The following DMD variants were observed in gnomAD, a reference collection of about 807,000 sequenced individuals.
DMD encodes the protein dystrophin.
Under a neutral mutation model 330.1 loss-of-function variants are expected in DMD, and 63 were observed. That is an observed-to-expected ratio of 0.19 (90% CI 0.16 to 0.24). The LOEUF (loss-of-function observed/expected upper bound fraction) is 0.24. Ranked by LOEUF, DMD falls within the 10% of genes least tolerant of loss-of-function variation. The pLI is 1.00. For synonymous variants in DMD, 1,223 were observed against 959.8 expected, an observed-to-expected ratio of 1.27 and a Z score of -5.07; for missense variants, 3,344 against 2,684.1, an observed-to-expected ratio of 1.25 and a Z score of -5.43.
At chrX:31,422,032 TATATATATA>T (rs1397520445) in intron 60 of DMD, among the ~76,000 whole-genome samples, 796 of 8,732 alleles carry the variant, frequency 0.091, 39 homozygotes, top group Middle Eastern at 0.17. Context: ...CACACACATA[TATATATATA>T]TATTTTTTTT....
intron 1 of DMD, among the ~76,000 whole-genome samples, chrX:33,235,919 T>TTATTA (rs1569559004): frequency 1.8e-4 from 18 of 98,839 alleles, no homozygotes; most frequent in African/African-American, 6.7e-4. Flanking sequence ...TATTATTATT[T>TTATTA]TTTTTTTTTT....
At chrX:33,059,523 C>T (rs1042622748) in intron 1 of DMD, among the ~76,000 whole-genome samples, 1 of 110,919 alleles carries the variant, frequency 9.0e-6, no homozygotes, top group Non-Finnish European at 1.9e-5. Flanking sequence ...GAGTCCAACT[C>T]ATGGCCTCGA....
At chrX:31,190,167 A>C (rs1443449949) in intron 67 of DMD, among the ~76,000 whole-genome samples, 1 of 112,246 alleles carries the variant, frequency 8.9e-6, no homozygotes, top group Non-Finnish European at 1.9e-5. Context: ...TCAGAGAAAA[A>C]CATCGCCAAA....
At chrX:32,448,056 A>C (rs1203212781) in intron 27 of DMD, among the ~76,000 whole-genome samples, 1 of 111,070 alleles carries the variant, frequency 9.0e-6, no homozygotes, top group African/African-American at 3.3e-5. Context: ...TTCCCCAAAG[A>C]TACTTAAATA....
intron 2 of DMD, among the ~76,000 whole-genome samples, chrX:32,889,085 G>C (rs776841995): frequency 5.8e-4 from 64 of 110,380 alleles, no homozygotes; most frequent in Non-Finnish European, 4.5e-4. Context: ...AGAAGGTTGG[G>C]GGTATCCAGG....
chrX:32,439,438 A>C (rs778529628), intron 28 of DMD, among the ~76,000 whole-genome samples: 1 of 111,791 alleles, frequency 8.9e-6, no homozygotes, highest in African/African-American at 3.2e-5. Flanking sequence ...TTTTCCTAAT[A>C]ATTTATATTC....
chrX:32,030,765 A>T (rs1438637270), intron 44 of DMD, among the ~76,000 whole-genome samples: 1 of 112,196 alleles, frequency 8.9e-6, no homozygotes, highest in Non-Finnish European at 1.9e-5. Context: ...ATAAAAAAGT[A>T]GCTAAGCTTT....
intron 12 of DMD, among the ~76,000 whole-genome samples, chrX:32,599,280 C>T (rs1041729654): frequency 1.8e-5 from 2 of 111,427 alleles, no homozygotes; most frequent in African/African-American, 3.3e-5. Flanking sequence ...TACACTGATT[C>T]TTACAAGTAG....
chrX:32,618,959 A>G (rs1357407170), intron 11 of DMD, among the ~76,000 whole-genome samples: 2 of 111,540 alleles, frequency 1.8e-5, no homozygotes, highest in East Asian at 5.6e-4. Flanking sequence ...CCCACTATGA[A>G]TTATATATAC....
Position 31,180,398 on chromosome X carries a change from T to C in DMD, c.10058A>G (p.His3353Arg). 1.7e-6 allele frequency: 2 copies of C among 1,209,188 alleles called. No individual in the cohort carries two copies. Among genetic ancestry groups the C allele is most frequent in the Non-Finnish European group, 2.2e-6 (2 of 893,152 alleles). Residue 3353 changes from histidine (H) to arginine (R), a missense_variant, in exon 69 of 79, where the codon CAC becomes CGC. Physicochemically the swap from His to Arg is conservative, Grantham distance 29. Coordinates refer to ENST00000357033, the MANE Select transcript of DMD (RefSeq NM_004006.3). The part of the protein sequence containing the change: ...SGRVAKGHKM[H>R]YPMVEYCTPT... ...AGTGCAATATTCCACCATGGGATAG[T>C]GCATTTTATGGCCTTTTGCAACTCG...
At chrX:31,551,975 T>C (rs2074513850) in intron 55 of DMD, among the ~76,000 whole-genome samples, 1 of 112,431 alleles carries the variant, frequency 8.9e-6, no homozygotes, top group Non-Finnish European at 1.9e-5. Flanking sequence ...TGCCTAACTT[T>C]CGACACATAA....
intron 55 of DMD, among the ~76,000 whole-genome samples, chrX:31,519,705 A>G (rs2147328210): frequency 8.9e-6 from 1 of 112,298 alleles, no homozygotes; most frequent in South Asian, 3.7e-4. Context: ...AACTGTATTC[A>G]TTTGTGGGTA....
chrX:32,696,079 C>T lies in DMD; in HGVS notation c.960+1791G>A, dbSNP rs1300585425. ...GCATGCACGTGTTTTCCATAGGGGACAGTCACCCACATGGCTCTCTCCTCT... is the reference window on the plus strand; with the variant it reads ...GCATGCACGTGTTTTCCATAGGGGATAGTCACCCACATGGCTCTCTCCTCT... On this transcript the variant is annotated intron_variant, in intron 9 of 78. Transcript: ENST00000357033. Among the ~76,000 whole-genome samples, 3 of 111,745 alleles carry T rather than the reference C, an allele frequency of 2.7e-5. No individual in the cohort carries two copies. In the Admixed American group the frequency reaches 2.9e-4, roughly 11 times the overall value.
intron 60 of DMD, among the ~76,000 whole-genome samples, chrX:31,378,899 G>A (rs1329016422): frequency 3.6e-5 from 4 of 110,917 alleles, no homozygotes; most frequent in Non-Finnish European, 7.5e-5. Context: ...CTTGACCCCA[G>A]TACAAACTTG....
chrX:32,879,705 G>A (rs2083722797), intron 2 of DMD, among the ~76,000 whole-genome samples: 1 of 111,333 alleles, frequency 9.0e-6, no homozygotes, highest in African/African-American at 3.3e-5. Context: ...ATCTTTTCCA[G>A]TTCAACAGGC....
At chrX:31,379,707 A>G (rs2060060872) in intron 60 of DMD, among the ~76,000 whole-genome samples, 2 of 112,052 alleles carry the variant, frequency 1.8e-5, no homozygotes, top group Non-Finnish European at 3.8e-5. Flanking sequence ...TCCAGCACAG[A>G]AGAACTCCAA....
chrX:31,655,374 C>T (rs919148329), intron 54 of DMD, among the ~76,000 whole-genome samples: 3 of 110,432 alleles, frequency 2.7e-5, no homozygotes, highest in Non-Finnish European at 3.8e-5. Context: ...ATTTGCCTCA[C>T]GATGAATTGT....
intron 44 of DMD, among the ~76,000 whole-genome samples, chrX:32,211,611 C>G (rs911700984): frequency 9.0e-6 from 1 of 111,570 alleles, no homozygotes. Context: ...GTGTTTCGCT[C>G]CCCATGTCTG....
intron 9 of DMD, among the ~76,000 whole-genome samples, chrX:32,658,293 A>C (rs1345572100): frequency 9.0e-6 from 1 of 111,335 alleles, no homozygotes; most frequent in African/African-American, 3.3e-5. Flanking sequence ...ACTTACACTA[A>C]TTTCAGTGAA....
Sources: gnomAD v4.1 joint callset for allele counts (sites outside exome capture counted in the v4.1 genomes callset) on GRCh38, gnomAD v4.1.1 for gene constraint, MANE v1.5 for transcripts, NCBI Gene and HGNC (gene_info 2026-07-23, HGNC 2026-07-21) for gene names.